The following KDM4B variants were observed in gnomAD, a reference collection of about 807,000 sequenced individuals.
The protein encoded by KDM4B is lysine-specific demethylase 4B.
Under a neutral mutation model 125.2 loss-of-function variants are expected in KDM4B, and 32 were observed. The observed-to-expected ratio is 0.26, with a 90% confidence interval of 0.19 to 0.34. KDM4B has a LOEUF of 0.34. Among genes scored for constraint, KDM4B ranks in the 10% least tolerant of loss-of-function variants. The pLI, the probability that KDM4B is intolerant of heterozygous loss-of-function variation, is 1.00. For missense variants in KDM4B, 1,190 were observed against 1,577.7 expected, an observed-to-expected ratio of 0.75 and a Z score of 4.16; for synonymous variants, 721 against 677.9, an observed-to-expected ratio of 1.06 and a Z score of -0.99.
At chr19:5,033,126 T>A in intron 3 of KDM4B, 95 bp downstream of exon 3, 7 of 1,417,324 alleles carry the variant, frequency 4.9e-6, no homozygotes, top group Non-Finnish European at 5.8e-6. Context: ...CCCACAGGCG[T>A]GGCCTGTGCA....
At position 5,151,432 on chromosome 19, in the gene KDM4B, A is replaced by G; in HGVS notation, c.3212A>G (p.Asp1071Gly). The G allele has an allele frequency of 2.6e-6, 4 of 1,561,860 alleles. No homozygotes were observed. Among genetic ancestry groups the G allele is most frequent in the Non-Finnish European group, 3.5e-6 (4 of 1,156,714 alleles). Residue 1071 changes from aspartate to glycine, a missense_variant, in exon 23 of 23, where the codon GAC (aspartate) becomes GGC (glycine). This residue lies in a region of KDM4B where 109 missense variants were observed against 93.8 expected (regional missense o/e 1.16). Transcript: ENST00000159111. Reference sequence around the variant, plus strand: ...GTGGGCACCCCGCTTGCCACGGAGGACTCCGGGCGGAGCCAGGACTACGTG... The same window carrying G: ...GTGGGCACCCCGCTTGCCACGGAGGGCTCCGGGCGGAGCCAGGACTACGTG... ...PRVGTPLATE[D>G]SGRSQDYVAF... is the part of the protein sequence containing the mutation.
chr19:5,075,478 A>T (rs2145840770), intron 7 of KDM4B: 1 of 152,146 alleles, frequency 6.6e-6, no homozygotes, highest in South Asian at 2.1e-4. Flanking sequence ...TTTTATTTTT[A>T]TTTTTATTTT....
chr19:5,003,133 G>C (rs1477707724), intron 1 of KDM4B, among the ~76,000 whole-genome samples: 1 of 152,294 alleles, frequency 6.6e-6, no homozygotes, highest in East Asian at 1.9e-4. Context: ...GAGGTGCGAG[G>C]TGGGGACCTC....
intron 5 of KDM4B, among the ~76,000 whole-genome samples, chr19:5,045,970 T>G (rs909300019): frequency 6.6e-6 from 1 of 152,252 alleles, no homozygotes; most frequent in African/African-American, 2.4e-5. Context: ...GAGAGTTTGC[T>G]GTGTATTTTG....
At chr19:5,090,020 CAA>C (rs777973613) in intron 9 of KDM4B, among the ~76,000 whole-genome samples, 26 of 152,284 alleles carry the variant, frequency 1.7e-4, no homozygotes, top group Middle Eastern at 3.4e-3. Flanking sequence ...AAGGGGGAAA[CAA>C]GACAAAAACA....
intron 1 of KDM4B, among the ~76,000 whole-genome samples, chr19:4,995,397 G>C (rs921163920): frequency 1.3e-5 from 2 of 152,056 alleles, no homozygotes; most frequent in Non-Finnish European, 2.9e-5. Flanking sequence ...TCCTGCCTCA[G>C]CCTCCTGAGT....
intron 6 of KDM4B, among the ~76,000 whole-genome samples, chr19:5,063,804 C>T (rs752591281): frequency 7.9e-5 from 12 of 152,214 alleles, no homozygotes; most frequent in South Asian, 2.1e-4. Flanking sequence ...GGAGTTAACA[C>T]GGCGCAGCAC....
In KDM4B at chr19:4,972,805, C is replaced by T. The variant is rs138376323; in HGVS notation, c.-109+3575C>T. Among the ~76,000 whole-genome samples the T allele has an allele frequency of 8.0e-3, 1,218 of 152,342 alleles. 14 individuals carry two copies. Among genetic ancestry groups the T allele is most frequent in the African/African-American group, 0.028 (1,154 of 41,576 alleles). On this transcript the variant is annotated intron_variant, in intron 1 of 22. Transcript: ENST00000159111. ...CACTCCTCACCTGGTTGTTCAGGTTCTCCGTGACTGTCCTTCTGCCCTTCC... is the reference window on the plus strand; with the variant it reads ...CACTCCTCACCTGGTTGTTCAGGTTTTCCGTGACTGTCCTTCTGCCCTTCC...
intron 6 of KDM4B, among the ~76,000 whole-genome samples, chr19:5,057,396 C>T (rs2037445236): frequency 6.6e-6 from 1 of 152,162 alleles, no homozygotes; most frequent in Non-Finnish European, 1.5e-5. Context: ...TGTGAAATTC[C>T]CCACTGTATG....
intron 6 of KDM4B, 94 bp downstream of exon 6, chr19:5,047,763 C>T (rs1466930857): frequency 7.7e-7 from 1 of 1,305,704 alleles, no homozygotes; most frequent in East Asian, 2.3e-5. Flanking sequence ...GTGGCAGGGG[C>T]CCCACCAGGT....
intron 6 of KDM4B, among the ~76,000 whole-genome samples, chr19:5,063,395 G>A (rs1377355941): frequency 1.3e-5 from 2 of 152,128 alleles, no homozygotes; most frequent in African/African-American, 2.4e-5. Context: ...TTCAGAAAAC[G>A]AGCTCAGTAA....
chr19:5,138,336 C>A, intron 18 of KDM4B: 1 of 504,724 alleles, frequency 2.0e-6, no homozygotes, highest in Non-Finnish European at 3.6e-6. Context: ...GCCTTGGGGG[C>A]ATCCTCTGCA....
chr19:5,101,099 G>A (rs987557682), intron 9 of KDM4B, among the ~76,000 whole-genome samples: 1 of 151,662 alleles, frequency 6.6e-6, no homozygotes, highest in African/African-American at 2.4e-5. Context: ...GTGGGTGCCT[G>A]TAATCCCAGC....
intron 10 of KDM4B, among the ~76,000 whole-genome samples, chr19:5,117,778 C>G (rs1207319280): frequency 6.6e-6 from 1 of 152,200 alleles, no homozygotes; most frequent in Admixed American, 6.5e-5. Context: ...CCTCCCACCC[C>G]TGCCCGGCCA....
chr19:5,066,678 C>G (rs75423019), intron 6 of KDM4B, among the ~76,000 whole-genome samples: 11,231 of 152,266 alleles, frequency 0.074, 1,344 homozygotes, highest in African/African-American at 0.25. Context: ...ACGTATGGCT[C>G]TCACGGAGCT....
chr19:5,136,351 G>T (rs534973918), intron 15 of KDM4B, among the ~76,000 whole-genome samples: 1 of 152,230 alleles, frequency 6.6e-6, no homozygotes, highest in African/African-American at 2.4e-5. Flanking sequence ...CCACGCACGG[G>T]GGGGCGGTGG....
At chr19:5,007,214 C>T (rs1280136404) in intron 1 of KDM4B, among the ~76,000 whole-genome samples, 1 of 152,210 alleles carries the variant, frequency 6.6e-6, no homozygotes, top group African/African-American at 2.4e-5. Context: ...AGCTCTTGGC[C>T]AGGCTCTGCC....
Position 4,971,920 on chromosome 19 carries a change from G to A in KDM4B, c.-109+2690G>A, listed in dbSNP as rs1249229193. ...CGGAGCCCACTGGGCAGGAGGGGAC[G>A]GAGAGCAGATGAACAGGGTGGGGGC... is the stretch of plus-strand genomic sequence containing the variant. On this transcript the variant is annotated intron_variant, in intron 1 of 22. Transcript: ENST00000159111. This position sits in a 1 kb window ranked among gnomAD's most constrained non-coding sequence, Gnocchi z 4.1. 2.0e-5 allele frequency among the ~76,000 whole-genome samples: 3 copies of A among 151,820 alleles called. No homozygotes were observed. Among genetic ancestry groups the A allele is most frequent in the African/African-American group, 4.8e-5 (2 of 41,290 alleles).
chr19:5,103,931 C>G (rs961761102), intron 9 of KDM4B, among the ~76,000 whole-genome samples: 1 of 152,230 alleles, frequency 6.6e-6, no homozygotes, highest in Non-Finnish European at 1.5e-5. Context: ...AGAACCAGGG[C>G]AGGCCAGCCA....
Sources: allele counts gnomAD v4.1 joint callset (sites outside exome capture counted in the v4.1 genomes callset), GRCh38; gene constraint gnomAD v4.1.1; regional missense constraint gnomAD v4.1.1; non-coding constraint Gnocchi (gnomAD v3.1); transcripts MANE v1.5; gene names NCBI Gene and HGNC (gene_info 2026-07-23, HGNC 2026-07-21).